VIPR2: variants seen among roughly 807,000 people sequenced by gnomAD.
VIPR2 encodes vasoactive intestinal polypeptide receptor 2.
Under a neutral mutation model 58.0 loss-of-function variants are expected in VIPR2, and 48 were observed. That is an observed-to-expected ratio of 0.83 (90% CI 0.66 to 1.05). VIPR2 has a LOEUF of 1.05. Among genes scored for constraint, VIPR2 ranks in the 50% least tolerant of loss-of-function variants. The pLI is 0.00. For missense variants in VIPR2, 534 were observed against 558.0 expected, an observed-to-expected ratio of 0.96 and a Z score of 0.43; for synonymous variants, 243 against 235.2, an observed-to-expected ratio of 1.03 and a Z score of -0.30.
chr7:159,069,312 C>T (rs1856260485), intron 4 of VIPR2, among the ~76,000 whole-genome samples: 1 of 152,162 alleles, frequency 6.6e-6, no homozygotes, highest in African/African-American at 2.4e-5. Context: ...TGGCTGGGGA[C>T]CCTGCCAGTC....
intron 4 of VIPR2, among the ~76,000 whole-genome samples, chr7:159,088,322 C>T (rs1857296124): frequency 6.6e-6 from 1 of 151,948 alleles, no homozygotes; most frequent in Non-Finnish European, 1.5e-5. Flanking sequence ...CACACCTGTA[C>T]ACCACAATCA....
At chr7:159,094,973 T>A (rs931424024) in intron 4 of VIPR2, among the ~76,000 whole-genome samples, 1 of 152,170 alleles carries the variant, frequency 6.6e-6, no homozygotes, top group African/African-American at 2.4e-5. Flanking sequence ...TTAAAACATG[T>A]GCCTGGCAGA....
At chr7:159,086,754 G>A (rs902939849) in intron 4 of VIPR2, among the ~76,000 whole-genome samples, 2 of 152,332 alleles carry the variant, frequency 1.3e-5, no homozygotes, top group African/African-American at 2.4e-5. Context: ...CTTGGCTCAC[G>A]GTGCTTGCTT....
At chr7:159,134,815 G>A (rs112587662) in intron 2 of VIPR2, among the ~76,000 whole-genome samples, 3,925 of 151,632 alleles carry the variant, frequency 0.026, 159 homozygotes, top group African/African-American at 0.089. Context: ...CCGCCACCAC[G>A]CCCGGCTAAT....
chr7:159,054,315 A>G (rs2129493843), intron 5 of VIPR2, among the ~76,000 whole-genome samples: 1 of 152,360 alleles, frequency 6.6e-6, no homozygotes, highest in Middle Eastern at 3.4e-3. Flanking sequence ...CTCAAGAAAC[A>G]ATGACATAAA....
intron 7 of VIPR2, 33 bp downstream of exon 7, chr7:159,036,719 G>C: frequency 6.3e-7 from 1 of 1,597,454 alleles, no homozygotes; most frequent in Non-Finnish European, 8.6e-7. Context: ...GGGATGGGAT[G>C]GAGGGTTTGT....
intron 4 of VIPR2, among the ~76,000 whole-genome samples, chr7:159,102,804 A>G (rs990348614): frequency 2.0e-5 from 3 of 152,010 alleles, no homozygotes; most frequent in Non-Finnish European, 4.4e-5. Flanking sequence ...GTAGGAGAAC[A>G]TTTGCATGTG....
At chr7:159,063,542 C>T (rs920680460) in intron 4 of VIPR2, among the ~76,000 whole-genome samples, 3 of 151,968 alleles carry the variant, frequency 2.0e-5, no homozygotes, top group African/African-American at 4.8e-5. Context: ...CTGAGGGAGC[C>T]GGCTCTGGCT....
chr7:159,080,077 A>C (rs1585434079), intron 4 of VIPR2, among the ~76,000 whole-genome samples: 2 of 152,346 alleles, frequency 1.3e-5, no homozygotes, highest in Middle Eastern at 6.8e-3. Flanking sequence ...AAACTATTCC[A>C]ATCAGCGGAA....
intron 7 of VIPR2, 134 bp downstream of exon 7, chr7:159,036,618 A>AAG (rs1853975151): frequency 8.6e-7 from 1 of 1,158,566 alleles, no homozygotes; most frequent in Middle Eastern, 2.2e-4. Context: ...GTCATCCTGG[A>AAG]AGAGCTCTTC....
chr7:159,143,986 C>T (rs913004590), intron 1 of VIPR2, among the ~76,000 whole-genome samples: 1 of 152,248 alleles, frequency 6.6e-6, no homozygotes, highest in Admixed American at 6.5e-5. Flanking sequence ...GCGCAGCCTC[C>T]CAGCTGCGGA....
chr7:159,100,958 G>A (rs1425161190), intron 4 of VIPR2, among the ~76,000 whole-genome samples: 5 of 141,000 alleles, frequency 3.5e-5, no homozygotes, highest in Middle Eastern at 4.2e-3. Flanking sequence ...AGGCGGTTCC[G>A]ACTGTTCCTG....
intron 2 of VIPR2, among the ~76,000 whole-genome samples, chr7:159,123,010 G>A (rs1796512030): frequency 6.6e-6 from 1 of 152,098 alleles, no homozygotes; most frequent in Non-Finnish European, 1.5e-5. Flanking sequence ...AAGACCCAGT[G>A]TCGGCCGGGC....
chr7:159,063,177 C>T (rs769118543), intron 4 of VIPR2, among the ~76,000 whole-genome samples: 15 of 152,214 alleles, frequency 9.9e-5, no homozygotes, highest in East Asian at 1.9e-4. Flanking sequence ...CCAGGTGCCG[C>T]GGAGCAGGGG....
At position 159,124,407 on chromosome 7, in the gene VIPR2, T is replaced by C. The variant is rs190316120; in HGVS notation, c.152-14488A>G. Among the ~76,000 whole-genome samples the C allele has an allele frequency of 6.2e-4, 94 of 152,316 alleles. 2 individuals are homozygous for C. Among genetic ancestry groups the C allele is most frequent in the African/African-American group, 2.0e-3 (83 of 41,572 alleles). ...CACCATTTAATTGAATAGGGAGTCT[T>C]TTCCCTATTGCTTATTTTTGTCAGC... On this transcript the variant is annotated intron_variant, in intron 2 of 12. Transcript: ENST00000262178.
chr7:159,129,865 C>T (rs1796821658), intron 2 of VIPR2, among the ~76,000 whole-genome samples: 1 of 87,966 alleles, frequency 1.1e-5, no homozygotes, highest in African/African-American at 8.3e-5. Context: ...AGGTGACCAG[C>T]TTCACACTCT....
intron 4 of VIPR2, among the ~76,000 whole-genome samples, chr7:159,087,162 C>A (rs534553265): frequency 7.0e-4 from 101 of 145,210 alleles, no homozygotes; most frequent in African/African-American, 2.5e-3. Context: ...GGCTTCCCAA[C>A]AAACAATACC....
At chr7:159,133,137 A>C (rs1283553645) in intron 2 of VIPR2, among the ~76,000 whole-genome samples, 1 of 152,312 alleles carries the variant, frequency 6.6e-6, no homozygotes, top group Non-Finnish European at 1.5e-5. Context: ...CTTCCTTACA[A>C]ATTAAATCCT....
At chr7:159,102,881 C>A (rs1297013805) in intron 4 of VIPR2, among the ~76,000 whole-genome samples, 1 of 152,190 alleles carries the variant, frequency 6.6e-6, no homozygotes, top group Non-Finnish European at 1.5e-5. Context: ...CCTGCCTTGC[C>A]CTGTGCAGGG....
Sources: allele counts gnomAD v4.1 joint callset (sites outside exome capture counted in the v4.1 genomes callset), GRCh38; gene constraint gnomAD v4.1.1; transcripts MANE v1.5; gene names NCBI Gene and HGNC (gene_info 2026-07-23, HGNC 2026-07-21).